SBF2: variants seen among roughly 807,000 people sequenced by gnomAD.
SBF2 encodes the protein myotubularin-related protein 13.
SBF2 carries 112 observed loss-of-function variants against 225.2 expected under a neutral mutation model. The ratio of observed to expected loss-of-function variants is 0.50; its 90% CI spans 0.43 to 0.58. SBF2 has a LOEUF of 0.58. SBF2 is among the 20% of genes least tolerant of loss of function. The pLI is 0.00. For missense variants in SBF2, 1,996 were observed against 2,206.2 expected, an observed-to-expected ratio of 0.90 and a Z score of 1.91; for synonymous variants, 763 against 773.3, an observed-to-expected ratio of 0.99 and a Z score of 0.22.
chr11:9,969,407 T>TC (rs141012203), intron 13 of SBF2, among the ~76,000 whole-genome samples: 13 of 152,328 alleles, frequency 8.5e-5, no homozygotes, highest in African/African-American at 2.9e-4. Flanking sequence ...TTCTGTTCAT[T>TC]CCAATGGCTT....
intron 1 of SBF2, among the ~76,000 whole-genome samples, chr11:10,266,891 C>T (rs1962050187): frequency 6.6e-6 from 1 of 152,178 alleles, no homozygotes; most frequent in African/African-American, 2.4e-5. Flanking sequence ...GAGTTCGAGA[C>T]CAGCCTGGCC....
chr11:10,088,409 T>C (rs899427112), intron 2 of SBF2, among the ~76,000 whole-genome samples: 1 of 152,166 alleles, frequency 6.6e-6, no homozygotes, highest in Non-Finnish European at 1.5e-5. Flanking sequence ...ATCCACAGTG[T>C]CTTCATCTGT....
chr11:10,227,582 T>C (rs996338489), intron 1 of SBF2, among the ~76,000 whole-genome samples: 6 of 152,168 alleles, frequency 3.9e-5, no homozygotes, highest in Admixed American at 1.3e-4. Flanking sequence ...ATAGGGAATC[T>C]GTTCCCCATT....
Position 9,816,849 on chromosome 11 carries a change from C to A in SBF2, c.3969G>T (p.Ser1323=), listed in dbSNP as rs77833016. 15 of 1,614,016 alleles carry A rather than the reference C, an allele frequency of 9.3e-6. No homozygotes were observed. The highest frequency in any genetic ancestry group is 1.3e-5 in the Non-Finnish European group (15 of 1,179,978). Reference sequence around the variant, plus strand: ...AAAAAAGAAATCTTACCCTTAGTTGCGACTTTTCACCAAATATGTAAAGGG... The same window carrying A: ...AAAAAAGAAATCTTACCCTTAGTTGAGACTTTTCACCAAATATGTAAAGGG... ...QAALYIFGEK[S]QLRNFKVEFA... is the part of the protein sequence containing the mutation. Residue 1323 remains serine (S), a synonymous_variant, in exon 29 of 40, where the codon TCG becomes TCT. Coordinates refer to ENST00000256190, the MANE Select transcript of SBF2 (RefSeq NM_030962.4).
At position 9,944,393 on chromosome 11, in the gene SBF2, GATTTC is replaced by G. The variant is rs951964973; in HGVS notation, c.1860+17559_1860+17563del. Among the ~76,000 whole-genome samples the G allele has an allele frequency of 1.7e-4, 26 of 152,244 alleles. No individual in the cohort carries two copies. In the East Asian group the frequency reaches 1.9e-3, roughly 11 times the overall value. Reference sequence around the variant, plus strand: ...ATAACATATATTAATAAATACTACAGATTTCATTTCACAGGTCATACAATGACTAC... The same window carrying G: ...ATAACATATATTAATAAATACTACAGATTTCACAGGTCATACAATGACTAC... On this transcript the variant is annotated intron_variant, in intron 16 of 39. Transcript: ENST00000256190.
At chr11:10,174,701 C>A (rs1271514123) in intron 2 of SBF2, among the ~76,000 whole-genome samples, 1 of 152,006 alleles carries the variant, frequency 6.6e-6, no homozygotes, top group Non-Finnish European at 1.5e-5. Context: ...CTCCAAGACA[C>A]ATAATTGTCA....
At chr11:9,930,891 C>T (rs964050163) in intron 16 of SBF2, among the ~76,000 whole-genome samples, 1 of 152,234 alleles carries the variant, frequency 6.6e-6, no homozygotes, top group African/African-American at 2.4e-5. Flanking sequence ...GGGACACTCC[C>T]ACCCAAATAC....
intron 2 of SBF2, among the ~76,000 whole-genome samples, chr11:10,068,843 A>C (rs1950734748): frequency 6.6e-6 from 1 of 152,192 alleles, no homozygotes; most frequent in Admixed American, 6.5e-5. Flanking sequence ...CATACTGATT[A>C]TTTTGAATTC....
chr11:10,051,379 C>A (rs571887947), intron 2 of SBF2, among the ~76,000 whole-genome samples: 107 of 152,174 alleles, frequency 7.0e-4, no homozygotes, highest in African/African-American at 2.5e-3. Flanking sequence ...TTAGTTTACA[C>A]TATAAGAATA....
chr11:9,880,951 T>C (rs567655739), intron 17 of SBF2, among the ~76,000 whole-genome samples: 20 of 152,302 alleles, frequency 1.3e-4, no homozygotes, highest in African/African-American at 4.8e-4. Context: ...ACCTATAATT[T>C]ATTTATATCC....
intron 2 of SBF2, among the ~76,000 whole-genome samples, chr11:10,193,027 CT>C (rs1957235342): frequency 6.6e-6 from 1 of 152,090 alleles, no homozygotes; most frequent in Non-Finnish European, 1.5e-5. Flanking sequence ...CAATAAATTC[CT>C]TTAAAACGGG....
intron 24 of SBF2, among the ~76,000 whole-genome samples, chr11:9,844,991 AGG>A (rs1182346841): frequency 2.6e-5 from 4 of 152,332 alleles, no homozygotes; most frequent in African/African-American, 9.6e-5. Flanking sequence ...GATGTACTTA[AGG>A]ATAAAGGGAC....
chr11:9,789,212 T>C lies in SBF2; in HGVS notation c.4829A>G (p.Asp1610Gly). ...CCGTGGCCCAGCTTCTCCAGCCAGGTCAGAGTCTTCGGAGGGGAAGTGCTT... is the reference window on the plus strand; with the variant it reads ...CCGTGGCCCAGCTTCTCCAGCCAGGCCAGAGTCTTCGGAGGGGAAGTGCTT... ...TPKHFPSEDS[D>G]LAGEAGPRSQ... The change falls in exon 35 of 40, where the codon GAC becomes GGC. Residue 1610 changes from aspartate (D) to glycine (G), a missense_variant. Coordinates refer to ENST00000256190, the MANE Select transcript of SBF2 (RefSeq NM_030962.4). 1 of 1,614,154 alleles carries C rather than the reference T, an allele frequency of 6.2e-7. No homozygotes were observed. Among genetic ancestry groups the C allele is most frequent in the Non-Finnish European group, 8.5e-7 (1 of 1,180,024 alleles).
In SBF2 at chr11:9,879,188, A is replaced by G. The variant is rs1043455793; in HGVS notation, c.1929+16755T>C. Reference sequence around the variant, plus strand: ...AAATCTATGACTTCTCAAAAATGCTAACAATGCTGGCTAATACAAAGGAAA... The same window carrying G: ...AAATCTATGACTTCTCAAAAATGCTGACAATGCTGGCTAATACAAAGGAAA... On this transcript the variant is annotated intron_variant, in intron 17 of 39. Coordinates refer to ENST00000256190, the MANE Select transcript of SBF2 (RefSeq NM_030962.4). Among the ~76,000 whole-genome samples the G allele has an allele frequency of 2.0e-5, 3 of 152,218 alleles. No homozygotes were observed. The East Asian group carries it at 5.8e-4, about 29-fold the overall frequency.
At chr11:10,060,938 G>T (rs1299334764) in intron 2 of SBF2, among the ~76,000 whole-genome samples, 1 of 152,156 alleles carries the variant, frequency 6.6e-6, no homozygotes, top group East Asian at 1.9e-4. Context: ...TGAGGCAGGA[G>T]AATAGTGTGA....
chr11:10,004,479 A>T (rs1357221653), intron 6 of SBF2, among the ~76,000 whole-genome samples: 4 of 149,184 alleles, frequency 2.7e-5, no homozygotes, highest in Non-Finnish European at 5.9e-5. Flanking sequence ...AAATCTCAGG[A>T]CCCCCAAACC....
intron 28 of SBF2, among the ~76,000 whole-genome samples, chr11:9,817,928 C>G (rs1854545889): frequency 6.6e-6 from 1 of 151,932 alleles, no homozygotes; most frequent in Non-Finnish European, 1.5e-5. Flanking sequence ...ATAAAATGTA[C>G]AGTCAGAAGC....
At chr11:9,895,855 C>G (rs1861209678) in intron 17 of SBF2, 88 bp downstream of exon 17, 1 of 970,768 alleles carries the variant, frequency 1.0e-6, no homozygotes, top group African/African-American at 1.6e-5. Flanking sequence ...ACTAAGAGGA[C>G]AGGATTTTCA....
chr11:10,268,349 A>G (rs1962185312), intron 1 of SBF2, among the ~76,000 whole-genome samples: 1 of 152,200 alleles, frequency 6.6e-6, no homozygotes, highest in Admixed American at 6.5e-5. Context: ...TTAAATTACT[A>G]TAAGGACAGA....
Sources: allele counts gnomAD v4.1 joint callset (sites outside exome capture counted in the v4.1 genomes callset), GRCh38; gene constraint gnomAD v4.1.1; transcripts MANE v1.5; gene names NCBI Gene and HGNC (gene_info 2026-07-23, HGNC 2026-07-21).